VPS26A: variants seen among roughly 807,000 people sequenced by gnomAD.
The protein encoded by VPS26A is VPS26 retromer complex component A, also known as vacuolar protein sorting-associated protein 26A.
Under a neutral mutation model 42.4 loss-of-function variants are expected in VPS26A, and 22 were observed. The observed-to-expected ratio is 0.52, with a 90% CI of 0.37 to 0.74. VPS26A has a LOEUF of 0.74. Ranked by LOEUF, VPS26A falls within the 30% of genes least tolerant of loss-of-function variation. VPS26A has a pLI of 0.00. For synonymous variants in VPS26A, 110 were observed against 123.5 expected, an observed-to-expected ratio of 0.89 and a Z score of 0.73; for missense variants, 276 against 379.2, an observed-to-expected ratio of 0.73 and a Z score of 2.26.
chr10:69,135,954 C>A (rs1840898834), intron 2 of VPS26A, among the ~76,000 whole-genome samples: 1 of 152,134 alleles, frequency 6.6e-6, no homozygotes, highest in South Asian at 2.1e-4. Context: ...GTAGTACTTT[C>A]TTGTGTTTGT....
intron 1 of VPS26A, among the ~76,000 whole-genome samples, chr10:69,130,734 T>G (rs1312224693): frequency 6.6e-6 from 1 of 152,174 alleles, no homozygotes; most frequent in Non-Finnish European, 1.5e-5. Context: ...AACACCATAA[T>G]GTACCTTACA....
intron 2 of VPS26A, among the ~76,000 whole-genome samples, chr10:69,140,729 C>T (rs942907735): frequency 5.9e-5 from 9 of 152,124 alleles, no homozygotes; most frequent in Non-Finnish European, 1.2e-4. Flanking sequence ...TTTTTCTAAC[C>T]ACCTATCCTA....
Position 69,151,275 on chromosome 10 carries a change from A to AC in VPS26A, c.154-4537_154-4536insC, listed in dbSNP as rs1564680876. On this transcript the variant is annotated intron_variant, in intron 2 of 8. Coordinates refer to ENST00000263559, the MANE Select transcript of VPS26A (RefSeq NM_004896.5). ...GTGAGACTCCATGTCAAAAAAAAAA[A>AC]AAAAAAAACACACACACACACACAA... Among the ~76,000 whole-genome samples, 9 of 70,746 alleles carry AC rather than the reference A, an allele frequency of 1.3e-4. 1 individual carries two copies. The highest frequency in any genetic ancestry group is 3.1e-4 in the Non-Finnish European group (8 of 25,590). The allele number at this position is 70,746 out of a possible 152,430, so 46.4% of individuals were successfully genotyped here.
In VPS26A at chr10:69,124,218, C is replaced by T. The variant is rs1010140402; in HGVS notation, c.-60C>T. 8.6e-6 allele frequency: 11 copies of T among 1,274,952 alleles called. No homozygotes were observed. Among genetic ancestry groups the T allele is most frequent in the East Asian group, 3.0e-5 (1 of 33,266 alleles). The allele number at this position is 1,274,952 out of a possible 1,614,324, so 79.0% of individuals were successfully genotyped here. A position where few individuals can be genotyped will look rare whatever the true frequency, so the allele number is the denominator to read the frequency against. On this transcript the variant is annotated 5_prime_UTR_variant, in exon 1 of 9. Transcript: ENST00000263559. ...AGCGCCGGAGCGGAGGGAGCCGGGG[C>T]TGGGAGTTCTCCTGAGGGAAGAGGA...
intron 6 of VPS26A, 85 bp downstream of exon 6, chr10:69,162,597 G>A: frequency 1.2e-6 from 1 of 841,498 alleles, no homozygotes; most frequent in African/African-American, 1.8e-5. Flanking sequence ...AACATAATTT[G>A]ATATCCACAT....
intron 2 of VPS26A, among the ~76,000 whole-genome samples, chr10:69,142,233 T>C (rs1841060574): frequency 7.4e-6 from 1 of 135,310 alleles, no homozygotes; most frequent in African/African-American, 2.9e-5. Context: ...TTGCCCAGGC[T>C]GAGTGTAGTG....
At chr10:69,167,496 G>T (rs1589365889) in intron 7 of VPS26A, among the ~76,000 whole-genome samples, 2 of 152,004 alleles carry the variant, frequency 1.3e-5, no homozygotes, top group South Asian at 4.1e-4. Flanking sequence ...AGCACTTTGG[G>T]AGGCCAAGGT....
intron 1 of VPS26A, among the ~76,000 whole-genome samples, chr10:69,127,093 A>ATTTTTTTTTT (rs71035057): frequency 3.5e-3 from 345 of 97,536 alleles, no homozygotes; most frequent in African/African-American, 0.01. Context: ...CACCCGGCCA[A>ATTTTTTTTTT]TTTTTTTTTT....
At chr10:69,134,746 G>C (rs1420696111) in intron 2 of VPS26A, among the ~76,000 whole-genome samples, 1 of 150,868 alleles carries the variant, frequency 6.6e-6, no homozygotes, top group South Asian at 2.1e-4. Context: ...AATCCGAAGT[G>C]AATTTTTTGG....
intron 2 of VPS26A, among the ~76,000 whole-genome samples, chr10:69,150,091 GTCTTAC>G (rs1466183911): frequency 3.3e-5 from 5 of 151,310 alleles, no homozygotes; most frequent in African/African-American, 1.2e-4. Context: ...TTGAGACTGA[GTCTTAC>G]TCTGTCATCC....
intron 2 of VPS26A, among the ~76,000 whole-genome samples, chr10:69,151,364 A>G (rs1020846874): frequency 3.3e-5 from 5 of 151,160 alleles, no homozygotes; most frequent in African/African-American, 1.2e-4. Flanking sequence ...AGGCAGGAGA[A>G]TCACTTGAAC....
chr10:69,131,575 A>G (rs557838430), intron 1 of VPS26A, among the ~76,000 whole-genome samples: 3 of 152,300 alleles, frequency 2.0e-5, no homozygotes, highest in South Asian at 4.1e-4. Context: ...TCTACTAAAA[A>G]TACAAAAATT....
At chr10:69,141,157 C>A (rs910192173) in intron 2 of VPS26A, among the ~76,000 whole-genome samples, 8 of 152,200 alleles carry the variant, frequency 5.3e-5, no homozygotes, top group African/African-American at 1.4e-4. Context: ...TGTAACCATT[C>A]TGGCAGTTTA....
intron 1 of VPS26A, 73 bp downstream of exon 1, chr10:69,124,353 G>T (rs1009292101): frequency 1.1e-5 from 13 of 1,223,168 alleles, no homozygotes; most frequent in Non-Finnish European, 1.3e-5. Context: ...GCCAACCGCG[G>T]GCCGGGCGTC....
chr10:69,152,865 G>A (rs1272381547), intron 2 of VPS26A, among the ~76,000 whole-genome samples: 1 of 151,836 alleles, frequency 6.6e-6, no homozygotes, highest in East Asian at 1.9e-4. Flanking sequence ...AGCCACCCAG[G>A]AGGCTGAGGC....
intron 2 of VPS26A, among the ~76,000 whole-genome samples, chr10:69,149,345 A>T (rs940320292): frequency 6.6e-6 from 1 of 152,164 alleles, no homozygotes; most frequent in African/African-American, 2.4e-5. Flanking sequence ...GAAACATCAG[A>T]CACACCAAAT....
chr10:69,135,785 G>A (rs921897960), intron 2 of VPS26A, among the ~76,000 whole-genome samples: 3 of 151,826 alleles, frequency 2.0e-5, no homozygotes, highest in African/African-American at 4.8e-5. Context: ...GAAAAAACAC[G>A]TGTAGAAAAC....
At chr10:69,163,812 C>T (rs866207573) in intron 6 of VPS26A, among the ~76,000 whole-genome samples, 83 of 145,118 alleles carry the variant, frequency 5.7e-4, no homozygotes, top group African/African-American at 2.1e-3. Flanking sequence ...GTGGCCCAGG[C>T]GGGAGTGCAG....
chr10:69,133,622 C>T (rs1840839612), intron 2 of VPS26A: 1 of 1,287,704 alleles, frequency 7.8e-7, no homozygotes. Flanking sequence ...CACTTTTTTC[C>T]CCTTTTCTTT....
Sources: gnomAD v4.1 joint callset for allele counts (sites outside exome capture counted in the v4.1 genomes callset) on GRCh38, gnomAD v4.1.1 for gene constraint, MANE v1.5 for transcripts, NCBI Gene and HGNC (gene_info 2026-07-23, HGNC 2026-07-21) for gene names.